Variants in VAMP8 observed in about 807,000 individuals in gnomAD.
VAMP8 encodes vesicle-associated membrane protein 8.
VAMP8 carries 9 observed loss-of-function variants against 11.4 expected under a neutral mutation model. The observed-to-expected ratio is 0.79, with a 90% CI of 0.48 to 1.38. The LOEUF (loss-of-function observed/expected upper bound fraction) is 1.38, where lower values mean the gene tolerates loss of function less well. Ranked by LOEUF, VAMP8 falls within the 40% of genes most tolerant of loss-of-function variation. VAMP8 has a pLI of 0.00. For synonymous variants in VAMP8, 42 were observed against 44.7 expected (o/e 0.94, Z 0.24); for missense variants, 108 against 127.8 (o/e 0.85, Z 0.75).
intron 2 of VAMP8, chr2:85,579,698 ATC>A (rs749558684): frequency 2.5e-4 from 381 of 1,540,450 alleles, no homozygotes; most frequent in Non-Finnish European, 3.2e-4. Context: ...CTAAAATAAT[ATC>A]TCCCACACAT....
intron 1 of VAMP8, among the ~76,000 whole-genome samples, chr2:85,578,213 T>C (rs1213933571): frequency 6.6e-6 from 1 of 152,194 alleles, no homozygotes; most frequent in Non-Finnish European, 1.5e-5. Flanking sequence ...ACTGGCCTAT[T>C]TTTGGAGGTC....
intron 2 of VAMP8, among the ~76,000 whole-genome samples, chr2:85,580,269 G>A (rs773631457): frequency 2.0e-5 from 3 of 152,170 alleles, no homozygotes; most frequent in South Asian, 2.1e-4. Context: ...AGGAAATTTA[G>A]TGTCTATAAC....
At position 85,581,663 on chromosome 2, in the gene VAMP8, G is replaced by A; in HGVS notation, c.250G>A (p.Val84Ile). 3 of 1,614,156 alleles carry A rather than the reference G, an allele frequency of 1.9e-6. No homozygotes were observed. The highest frequency in any genetic ancestry group is 2.5e-6 in the Non-Finnish European group (3 of 1,180,038). Residue 84 changes from valine (V) to isoleucine (I), a missense_variant, in exon 3 of 3, where the codon GTT (valine) becomes ATT (isoleucine). Coordinates refer to ENST00000263864, the MANE Select transcript of VAMP8 (RefSeq NM_003761.5). ...GATGATTGTCCTTATCTGCGTGATT[G>A]TTTTTATCATCATCCTCTTCATTGT... ...VKMIVLICVI[V>I]FIIILFIVLF... is the part of the protein sequence containing the mutation.
At chr2:85,578,499 G>A (rs558129682) in intron 1 of VAMP8, among the ~76,000 whole-genome samples, 10 of 152,326 alleles carry the variant, frequency 6.6e-5, no homozygotes, top group South Asian at 6.2e-4. Flanking sequence ...ATGGCATTGC[G>A]GCCAGGGCCG....
chr2:85,580,000 G>A (rs1672343364), intron 2 of VAMP8: 2 of 1,390,136 alleles, frequency 1.4e-6, no homozygotes, highest in African/African-American at 2.9e-5. Flanking sequence ...CTGTTGCCCA[G>A]GTTAGAGTGA....
At chr2:85,579,737 T>G (rs950846655) in intron 2 of VAMP8, 2 of 1,550,672 alleles carry the variant, frequency 1.3e-6, no homozygotes, top group South Asian at 2.4e-5. Context: ...CTTCTCTCTC[T>G]CCAGCCAGGG....
intron 2 of VAMP8, among the ~76,000 whole-genome samples, chr2:85,581,250 C>T (rs1672372978): frequency 6.6e-6 from 1 of 152,052 alleles, no homozygotes. Context: ...GAGGCCAAGG[C>T]GAGTGGATCA....
At chr2:85,577,804 G>A (rs1672306081) in intron 1 of VAMP8, among the ~76,000 whole-genome samples, 155 bp downstream of exon 1, 1 of 152,198 alleles carries the variant, frequency 6.6e-6, no homozygotes, top group Non-Finnish European at 1.5e-5. Context: ...CAACTTGGCT[G>A]CAAATAGCTC....
At chr2:85,578,899 A>G (rs1672322996) in intron 1 of VAMP8, 110 bp from the exon 2 acceptor site, 2 of 1,130,936 alleles carry the variant, frequency 1.8e-6, no homozygotes, top group Non-Finnish European at 2.5e-6. Flanking sequence ...CATTTCAAGC[A>G]TTTTACAAAA....
At position 85,579,845 on chromosome 2, in the gene VAMP8, C is replaced by G. The variant is rs58824535; in HGVS notation, c.162+678C>G. ...CAGCGGGGAGGCTGGCTCTGGCTTTCTGAGTCCTGTGTGAACTCTTGGCTC... is the reference window on the plus strand; with the variant it reads ...CAGCGGGGAGGCTGGCTCTGGCTTTGTGAGTCCTGTGTGAACTCTTGGCTC... On this transcript the variant is annotated intron_variant, in intron 2 of 2. Coordinates refer to ENST00000263864, the MANE Select transcript of VAMP8 (RefSeq NM_003761.5). 3,712 of 1,550,616 alleles carry G rather than the reference C, an allele frequency of 2.4e-3. 77 individuals are homozygous for G. The African/African-American group carries it at 0.042, about 18-fold the overall frequency.
chr2:85,579,444 C>T (rs1407844991), intron 2 of VAMP8, among the ~76,000 whole-genome samples: 1 of 152,222 alleles, frequency 6.6e-6, no homozygotes, highest in African/African-American at 2.4e-5. Context: ...CCCATGCATT[C>T]TCAGGCTTCT....
In VAMP8 at chr2:85,581,771, TG is replaced by T; in HGVS notation, c.*56del. On this transcript the variant is annotated 3_prime_UTR_variant, in exon 3 of 3. Coordinates refer to ENST00000263864, the MANE Select transcript of VAMP8 (RefSeq NM_003761.5). ...CTCTTCAGGGACAACCCTCCATAAA[TG>T]TGTGCCAAGAGGGTCTCCTTTCCTG... 1 of 1,607,356 alleles carries T rather than the reference TG, an allele frequency of 6.2e-7. No homozygotes were observed. The highest frequency in any genetic ancestry group is 8.5e-7 in the Non-Finnish European group (1 of 1,175,766).
At chr2:85,580,659 ATTTTTTTTTTT>A (rs372301674) in intron 2 of VAMP8, among the ~76,000 whole-genome samples, 1 of 104,560 alleles carries the variant, frequency 9.6e-6, no homozygotes, top group Non-Finnish European at 1.9e-5. Flanking sequence ...CAGATACAGC[ATTTTTTTTTTT>A]TTTTTTTTTT....
intron 1 of VAMP8, 36 bp from the exon 2 acceptor site, chr2:85,578,973 A>T: frequency 1.3e-6 from 2 of 1,582,094 alleles, no homozygotes; most frequent in Non-Finnish European, 1.7e-6. Context: ...CAGTTCCCCC[A>T]CCACTTGGTC....
At chr2:85,580,735 C>T (rs1253786510) in intron 2 of VAMP8, among the ~76,000 whole-genome samples, 2 of 143,118 alleles carry the variant, frequency 1.4e-5, no homozygotes, top group African/African-American at 2.6e-5. Flanking sequence ...GGCGCAATCT[C>T]GGCTCACTGC....
At position 85,577,589 on chromosome 2, in the gene VAMP8, C is replaced by T; in HGVS notation, c.-58C>T. On this transcript the variant is annotated 5_prime_UTR_variant, in exon 1 of 3. Transcript: ENST00000263864. The stretch of plus-strand genomic sequence containing the variant: ...AGCAGGAAGTGAACTGAGGGCCACC[C>T]TGGGAGGAAGCCGACTAGGCGAATT... The T allele has an allele frequency of 6.4e-6, 10 of 1,551,548 alleles. No individual in the cohort carries two copies. The highest frequency in any genetic ancestry group is 8.7e-6 in the Non-Finnish European group (10 of 1,146,926).
intron 2 of VAMP8, among the ~76,000 whole-genome samples, chr2:85,580,047 GT>G (rs1325673875): frequency 2.6e-5 from 4 of 152,106 alleles, no homozygotes; most frequent in Non-Finnish European, 5.9e-5. Context: ...CACCTCCTGG[GT>G]TCAAACGATT....
chr2:85,578,956 A>G (rs1343690896), intron 1 of VAMP8, 53 bp from the exon 2 acceptor site: 25 of 1,567,710 alleles, frequency 1.6e-5, no homozygotes, highest in Non-Finnish European at 2.1e-5. Flanking sequence ...CTCTGAGCCC[A>G]AGTCTCCAGT....
Position 85,581,454 on chromosome 2 carries a change from A to G in VAMP8, c.163-122A>G. The G allele has an allele frequency of 5.6e-6, 7 of 1,250,984 alleles. No individual in the cohort carries two copies. In the South Asian group the frequency reaches 1.0e-4, roughly 19 times the overall value. 77.5% of individuals were successfully genotyped at this position (1,250,984 alleles called of 1,614,324 possible). Reference sequence around the variant, plus strand: ...AAGATCGAGCCACTGCCTGAGTGACAGAGCGAGACTCCATCTCAAAAAAAA... The same window carrying G: ...AAGATCGAGCCACTGCCTGAGTGACGGAGCGAGACTCCATCTCAAAAAAAA... On this transcript the variant is annotated intron_variant, in intron 2 of 2. Coordinates refer to ENST00000263864, the MANE Select transcript of VAMP8 (RefSeq NM_003761.5).
Sources: allele counts gnomAD v4.1 joint callset (sites outside exome capture counted in the v4.1 genomes callset), GRCh38; gene constraint gnomAD v4.1.1; transcripts MANE v1.5; gene names NCBI Gene and HGNC (gene_info 2026-07-23, HGNC 2026-07-21).